The following EP300 variants were observed in gnomAD, a reference collection of about 807,000 sequenced individuals.
The protein encoded by EP300 is histone acetyltransferase p300.
Under a neutral mutation model 264.0 loss-of-function variants are expected in EP300, and 31 were observed. The ratio of observed to expected loss-of-function variants is 0.12; its 90% CI spans 0.09 to 0.16. The LOEUF (loss-of-function observed/expected upper bound fraction) is 0.16, where lower values mean the gene tolerates loss of function less well. Among genes scored for constraint, EP300 ranks in the 10% least tolerant of loss-of-function variants. EP300 has a pLI of 1.00. For synonymous variants in EP300, 1,340 were observed against 1,045.4 expected, an observed-to-expected ratio of 1.28 and a Z score of -5.44; for missense variants, 2,766 against 3,052.9, an observed-to-expected ratio of 0.91 and a Z score of 2.21.
intron 16 of EP300, among the ~76,000 whole-genome samples, chr22:41,153,330 A>G (rs1353162737): frequency 6.6e-6 from 1 of 152,210 alleles, no homozygotes; most frequent in Non-Finnish European, 1.5e-5. Flanking sequence ...TATATATTGA[A>G]AAGTGTTCCA....
Position 41,149,898 on chromosome 22 carries a change from C to T in EP300, c.2517C>T (p.Thr839=). ...CACCCTCGCCTGTACCTAGTCGTAC[C>T]CCCACCCCTCACCATACTCCCCCAA... The part of the protein sequence containing the change: ...QNSPSPVPSR[T]PTPHHTPPSI... Residue 839 remains threonine (T), a synonymous_variant, in exon 14 of 31, where the codon ACC becomes ACT. Coordinates refer to ENST00000263253, the MANE Select transcript of EP300 (RefSeq NM_001429.4). 6.2e-7 allele frequency: 1 copy of T among 1,613,808 alleles called. No homozygotes were observed. Among genetic ancestry groups the T allele is most frequent in the African/African-American group, 1.3e-5 (1 of 74,898 alleles).
chr22:41,141,277 C>A (rs2145726686), intron 10 of EP300, 55 bp downstream of exon 10: 1 of 1,558,900 alleles, frequency 6.4e-7, no homozygotes, highest in Non-Finnish European at 8.8e-7. Context: ...AAAATAGTTT[C>A]TATCTAAAGT....
intron 1 of EP300, among the ~76,000 whole-genome samples, chr22:41,116,808 C>T (rs2058824062): frequency 6.6e-6 from 1 of 152,146 alleles, no homozygotes; most frequent in Non-Finnish European, 1.5e-5. Flanking sequence ...CACCTGTAAT[C>T]CCAGCACTTT....
intron 1 of EP300, among the ~76,000 whole-genome samples, chr22:41,107,128 A>C (rs1311408381): frequency 6.6e-6 from 1 of 151,930 alleles, no homozygotes; most frequent in Non-Finnish European, 1.5e-5. Flanking sequence ...GCTGGTCTCA[A>C]ACTCCTGATC....
chr22:41,149,235 G>A (rs1348654295), intron 13 of EP300, 60 bp downstream of exon 13: 2 of 1,598,532 alleles, frequency 1.3e-6, no homozygotes, highest in African/African-American at 2.7e-5. Flanking sequence ...TCTTGATGTA[G>A]GTTTTTATAG....
At position 41,157,383 on chromosome 22, in the gene EP300, G is replaced by A. The variant is rs555232561; in HGVS notation, c.3476G>A (p.Ser1159Asn). The change falls in exon 18 of 31, where the codon AGC becomes AAC. Residue 1159 changes from serine to asparagine, a missense_variant. Coordinates refer to ENST00000263253, the MANE Select transcript of EP300 (RefSeq NM_001429.4). ...CAAGAAATTGACCCAGTGATGCAAA[G>A]CCTTGGATACTGTTGTGGCAGAAAG... The part of the protein sequence containing the change: ...FEQEIDPVMQ[S>N]LGYCCGRKLE... 3.7e-6 allele frequency: 6 copies of A among 1,614,118 alleles called. No homozygotes were observed. Among genetic ancestry groups the A allele is most frequent in the South Asian group, 1.1e-5 (1 of 91,088 alleles).
chr22:41,104,063 G>GT (rs572061068), intron 1 of EP300, among the ~76,000 whole-genome samples: 216 of 152,158 alleles, frequency 1.4e-3, no homozygotes, highest in African/African-American at 4.9e-3. Context: ...GATATGCAAG[G>GT]TTTTTTTGTT....
chr22:41,172,849 T>TC (rs2059178665), intron 28 of EP300, among the ~76,000 whole-genome samples, 186 bp downstream of exon 28: 1 of 152,182 alleles, frequency 6.6e-6, no homozygotes, highest in Non-Finnish European at 1.5e-5. Context: ...TTTTAAAGCA[T>TC]CAGAGCCCCT....
In EP300 at chr22:41,178,726, C is replaced by A. The variant is rs183326303; in HGVS notation, c.7015C>A (p.His2339Asn). 1 of 1,614,174 alleles carries A rather than the reference C, an allele frequency of 6.2e-7. No homozygotes were observed. The highest frequency in any genetic ancestry group is 1.3e-5 in the African/African-American group (1 of 75,034). ...PRMQPQPSPH[H>N]VSPQTSSPHP... ...GATGCAGCCTCAGCCTTCTCCACACCACGTTTCCCCACAGACAAGTTCCCC... is the reference window on the plus strand; with the variant it reads ...GATGCAGCCTCAGCCTTCTCCACACAACGTTTCCCCACAGACAAGTTCCCC... Residue 2339 changes from histidine (H) to asparagine (N), a missense_variant, in exon 31 of 31, where the codon CAC becomes AAC. His to Asn is a moderately conservative substitution (Grantham distance 68, BLOSUM62 1). Transcript: ENST00000263253.
chr22:41,161,803 G>C (rs2059109914), intron 20 of EP300, among the ~76,000 whole-genome samples: 1 of 152,106 alleles, frequency 6.6e-6, no homozygotes. Flanking sequence ...TAAAAATGGG[G>C]CTTCTGAGAA....
intron 1 of EP300, among the ~76,000 whole-genome samples, chr22:41,098,337 C>A (rs755487194): frequency 2.6e-5 from 4 of 152,096 alleles, no homozygotes; most frequent in Non-Finnish European, 5.9e-5. Context: ...GTTTTTAGAT[C>A]TAGATTCTTT....
intron 23 of EP300, among the ~76,000 whole-genome samples, chr22:41,167,836 T>TG (rs1306811141): frequency 1.8e-4 from 16 of 89,556 alleles, no homozygotes; most frequent in Non-Finnish European, 3.0e-4. Context: ...GTTTTTTTTT[T>TG]TTTTTTTTTT....
chr22:41,148,319 A>G (rs994965982), intron 12 of EP300, among the ~76,000 whole-genome samples: 26 of 152,226 alleles, frequency 1.7e-4, no homozygotes, highest in Non-Finnish European at 2.4e-4. Context: ...TAACCAGTCC[A>G]TCTCTCTACC....
chr22:41,173,437 C>G (rs1229837533), intron 28 of EP300, among the ~76,000 whole-genome samples, 186 bp from the exon 29 acceptor site: 1 of 152,154 alleles, frequency 6.6e-6, no homozygotes, highest in Non-Finnish European at 1.5e-5. Context: ...CCTTAAAGAT[C>G]ACTGGGAGAA....
Position 41,141,118 on chromosome 22 carries a change from C to G in EP300, c.1949C>G (p.Thr650Ser), listed in dbSNP as rs2145726077. The G allele has an allele frequency of 6.2e-7, 1 of 1,614,110 alleles. No individual in the cohort carries two copies. The highest frequency in any genetic ancestry group is 8.5e-7 in the Non-Finnish European group (1 of 1,180,000). Residue 650 changes from threonine to serine, a missense_variant, in exon 10 of 31, where the codon ACC becomes AGC. Thr to Ser is a moderately conservative substitution (Grantham distance 58). Coordinates refer to ENST00000263253, the MANE Select transcript of EP300 (RefSeq NM_001429.4). ...IQKELEEKRRTRLQKQNMLPN... is the reference protein window; with the variant it reads ...IQKELEEKRRSRLQKQNMLPN... ...AAAGAACTAGAAGAAAAACGAAGGA[C>G]CAGACTACAGAAGCAGAACATGCTA...
Position 41,178,814 on chromosome 22 carries a change from A to G in EP300, c.7103A>G (p.Asp2368Gly). Reference protein sequence around the residue: ...PMEQGHFASPDQNSMLSQLAS... With the variant: ...PMEQGHFASPGQNSMLSQLAS... ...GAACAAGGGCATTTTGCCAGCCCGG[A>G]CCAGAATTCAATGCTTTCTCAGCTT... Residue 2368 changes from aspartate to glycine, a missense_variant, in exon 31 of 31, where the codon GAC becomes GGC. Coordinates refer to ENST00000263253, the MANE Select transcript of EP300 (RefSeq NM_001429.4). 1 of 1,614,148 alleles carries G rather than the reference A, an allele frequency of 6.2e-7. No homozygotes were observed. The highest frequency in any genetic ancestry group is 8.5e-7 in the Non-Finnish European group (1 of 1,180,034).
intron 14 of EP300, 146 bp downstream of exon 14, chr22:41,150,344 T>C (rs941286367): frequency 4.7e-6 from 5 of 1,056,412 alleles, no homozygotes; most frequent in African/African-American, 3.2e-5. Flanking sequence ...TAGGGACTTT[T>C]GTATCCTGTT....
chr22:41,108,789 G>C (rs2058772395), intron 1 of EP300, among the ~76,000 whole-genome samples: 1 of 152,200 alleles, frequency 6.6e-6, no homozygotes, highest in Non-Finnish European at 1.5e-5. Flanking sequence ...TGATACTTTA[G>C]GAAGCGGGAA....
chr22:41,100,743 C>T (rs2058727315), intron 1 of EP300, among the ~76,000 whole-genome samples: 1 of 152,110 alleles, frequency 6.6e-6, no homozygotes, highest in African/African-American at 2.4e-5. Context: ...TACTACATGT[C>T]CCCTTTATAT....
Sources: gnomAD v4.1 joint callset for allele counts (sites outside exome capture counted in the v4.1 genomes callset) on GRCh38, gnomAD v4.1.1 for gene constraint, MANE v1.5 for transcripts, NCBI Gene and HGNC (gene_info 2026-07-23, HGNC 2026-07-21) for gene names.